Variants in PCDHGA6 observed in about 807,000 individuals in gnomAD.
PCDHGA6 encodes the protein protocadherin gamma-A6.
PCDHGA6 carries 41 observed loss-of-function variants against 60.6 expected under a neutral mutation model. The observed-to-expected ratio is 0.68, with a 90% CI of 0.53 to 0.88. PCDHGA6 has a LOEUF of 0.88. PCDHGA6 is among the 40% of genes least tolerant of loss of function. The pLI, the probability that PCDHGA6 is intolerant of heterozygous loss-of-function variation, is 0.00. For missense variants in PCDHGA6, 1,312 were observed against 1,203.0 expected, an observed-to-expected ratio of 1.09 and a Z score of -1.34; for synonymous variants, 594 against 524.4, an observed-to-expected ratio of 1.13 and a Z score of -1.81.
chr5:141,455,983 C>T (rs542017964), intron 1 of PCDHGA6, among the ~76,000 whole-genome samples: 23 of 151,546 alleles, frequency 1.5e-4, no homozygotes, highest in African/African-American at 5.1e-4. Context: ...CTGCAAGCTC[C>T]GCCTCTCGGG....
Position 141,431,560 on chromosome 5 carries a change from C to G in PCDHGA6, c.2424+55053C>G, listed in dbSNP as rs751276470. The G allele has an allele frequency of 6.2e-7, 1 of 1,613,986 alleles. No individual in the cohort carries two copies. The highest frequency in any genetic ancestry group is 1.7e-5 in the Admixed American group (1 of 60,016). On this transcript the variant is annotated intron_variant, in intron 1 of 3. Transcript: ENST00000517434. This position sits in a 1 kb window ranked among gnomAD's most constrained non-coding sequence, Gnocchi z 4.8. Reference sequence around the variant, plus strand: ...CGCAGCTGCTTGTAGTCAACGCTACCGACCCTGACGAAGGAGTCAATGCGG... The same window carrying G: ...CGCAGCTGCTTGTAGTCAACGCTACGGACCCTGACGAAGGAGTCAATGCGG...
chr5:141,467,878 C>T (rs937986234), intron 1 of PCDHGA6, among the ~76,000 whole-genome samples: 8 of 151,998 alleles, frequency 5.3e-5, no homozygotes, highest in Non-Finnish European at 7.4e-5. Flanking sequence ...AGGCTGGTCT[C>T]AAACTCCTGA....
intron 1 of PCDHGA6, among the ~76,000 whole-genome samples, chr5:141,455,519 G>T (rs1439363688): frequency 1.3e-5 from 2 of 152,158 alleles, no homozygotes; most frequent in East Asian, 3.9e-4. Flanking sequence ...TCAGGGGATT[G>T]GTTTGACCAG....
At chr5:141,418,127 A>G in intron 1 of PCDHGA6, 1 of 1,614,104 alleles carries the variant, frequency 6.2e-7, no homozygotes, top group East Asian at 2.2e-5. Flanking sequence ...GAAGGACCGA[A>G]TAGACCGTGA....
chr5:141,467,710 G>A (rs1284029664), intron 1 of PCDHGA6, among the ~76,000 whole-genome samples: 1 of 152,122 alleles, frequency 6.6e-6, no homozygotes, highest in Non-Finnish European at 1.5e-5. Context: ...TGCCCAGGCT[G>A]GAGTGTAGTG....
chr5:141,420,394 C>A, intron 1 of PCDHGA6: 2 of 1,260,296 alleles, frequency 1.6e-6, no homozygotes, highest in Non-Finnish European at 2.1e-6. Flanking sequence ...AAATATAGGT[C>A]AAATTTATGG....
rs749221752 is a variant in PCDHGA6 at position 141,432,670 on chromosome 5, G to T, written c.2424+56163G>T. ...CGCGAGCCCTGCTGGACAGAGACGCGCTCAAGCAGAGCCTCGTAGTGGCCG... is the reference window on the plus strand; with the variant it reads ...CGCGAGCCCTGCTGGACAGAGACGCTCTCAAGCAGAGCCTCGTAGTGGCCG... On this transcript the variant is annotated intron_variant, in intron 1 of 3. Coordinates refer to ENST00000517434, the MANE Select transcript of PCDHGA6 (RefSeq NM_018919.3). This position sits in a 1 kb window ranked among gnomAD's most constrained non-coding sequence, Gnocchi z 6.0. 7 of 1,613,750 alleles carry T rather than the reference G, an allele frequency of 4.3e-6. No homozygotes were observed. The African/African-American group carries it at 5.3e-5, about 12-fold the overall frequency.
In PCDHGA6 at chr5:141,415,213, G is replaced by A. The variant is rs750613524; in HGVS notation, c.2424+38706G>A. On this transcript the variant is annotated intron_variant, in intron 1 of 3. Coordinates refer to ENST00000517434, the MANE Select transcript of PCDHGA6 (RefSeq NM_018919.3). ...CATCCCCCAAGTCCTGGCGGACCTC[G>A]GCAGCTTCGAGTCTCCAGCTAACTC... 1.9e-6 allele frequency: 3 copies of A among 1,614,074 alleles called. No individual in the cohort carries two copies. In the East Asian group the frequency reaches 6.7e-5, roughly 36 times the overall value.
At chr5:141,456,695 T>C (rs1264543968) in intron 1 of PCDHGA6, among the ~76,000 whole-genome samples, 2 of 152,136 alleles carry the variant, frequency 1.3e-5, no homozygotes, top group Non-Finnish European at 2.9e-5. Flanking sequence ...CCAGGCGTGG[T>C]GGCTCGCGCC....
chr5:141,468,832 C>G (rs530307522), intron 1 of PCDHGA6, among the ~76,000 whole-genome samples: 1 of 152,164 alleles, frequency 6.6e-6, no homozygotes, highest in South Asian at 2.1e-4. Flanking sequence ...AGCCACTGCA[C>G]TCCAGCCTGG....
At chr5:141,385,921 T>C (rs1283836532) in intron 1 of PCDHGA6, 1 of 152,286 alleles carries the variant, frequency 6.6e-6, no homozygotes. Context: ...CTAAGATCTA[T>C]ATCAAAGACA....
At chr5:141,422,789 TC>T (rs1561803924) in intron 1 of PCDHGA6, 44 of 1,614,158 alleles carry the variant, frequency 2.7e-5, no homozygotes, top group Non-Finnish European at 3.6e-5. Context: ...CTACAATCCT[TC>T]GACTATGAGC....
At chr5:141,457,108 T>C (rs186630889) in intron 1 of PCDHGA6, among the ~76,000 whole-genome samples, 40 of 152,338 alleles carry the variant, frequency 2.6e-4, no homozygotes, top group African/African-American at 9.1e-4. Flanking sequence ...TTAAGCAAAA[T>C]ACGACAGCAA....
intron 1 of PCDHGA6, among the ~76,000 whole-genome samples, chr5:141,425,189 T>C (rs1042702500): frequency 2.6e-5 from 4 of 152,116 alleles, no homozygotes; most frequent in African/African-American, 7.2e-5. Flanking sequence ...AATTCCAAAC[T>C]GAGAAAAATG....
At chr5:141,399,363 G>A (rs773376480) in intron 1 of PCDHGA6, 5 of 1,613,910 alleles carry the variant, frequency 3.1e-6, no homozygotes, top group Non-Finnish European at 3.4e-6. Flanking sequence ...AGCAAACCCC[G>A]GAGTACAATG....
intron 1 of PCDHGA6, among the ~76,000 whole-genome samples, chr5:141,480,216 C>T (rs1055544952): frequency 1.9e-4 from 28 of 147,036 alleles, no homozygotes; most frequent in Non-Finnish European, 3.6e-4. Flanking sequence ...CCAGCCTGAG[C>T]GACATAGTGA....
intron 1 of PCDHGA6, chr5:141,478,026 C>G: frequency 6.2e-7 from 1 of 1,614,180 alleles, no homozygotes; most frequent in Non-Finnish European, 8.5e-7. Flanking sequence ...GTCCAAGACA[C>G]AGATTCACCC....
intron 1 of PCDHGA6, chr5:141,393,073 C>A: frequency 1.2e-6 from 2 of 1,613,658 alleles, no homozygotes; most frequent in Non-Finnish European, 8.5e-7. Flanking sequence ...TTGATCACCG[C>A]GGGCAGGATA....
chr5:141,393,232 T>TA lies in PCDHGA6; in HGVS notation c.2424+16730dup, dbSNP rs774547937. On this transcript the variant is annotated intron_variant, in intron 1 of 3. Coordinates refer to ENST00000517434, the MANE Select transcript of PCDHGA6 (RefSeq NM_018919.3). The stretch of plus-strand genomic sequence containing the variant: ...AAATTCCAGGTCGAAGATCTAGAAG[T>TA]AAAAATTAACGAAATCGCGGTTCCT... The TA allele has an allele frequency of 5.6e-6, 9 of 1,613,542 alleles. No homozygotes were observed. The African/African-American group carries it at 1.2e-4, about 22-fold the overall frequency.
Sources: allele counts gnomAD v4.1 joint callset (sites outside exome capture counted in the v4.1 genomes callset), GRCh38; gene constraint gnomAD v4.1.1; non-coding constraint Gnocchi (gnomAD v3.1); transcripts MANE v1.5; gene names NCBI Gene and HGNC (gene_info 2026-07-23, HGNC 2026-07-21).